Variants in MPHOSPH6 observed in about 807,000 individuals in gnomAD.
MPHOSPH6 encodes the protein M-phase phosphoprotein 6.
Under a neutral mutation model 21.8 loss-of-function variants are expected in MPHOSPH6, and 25 were observed. The ratio of observed to expected loss-of-function variants is 1.15; its 90% CI spans 0.83 to 1.60. MPHOSPH6 has a LOEUF of 1.60. MPHOSPH6 is among the 40% of genes most tolerant of loss of function. The pLI is 0.00. For missense variants in MPHOSPH6, 269 were observed against 181.8 expected (o/e 1.48, Z -2.76); for synonymous variants, 84 against 56.5 (o/e 1.49, Z -2.18).
At chr16:82,169,882 G>T (rs1272219156) in intron 1 of MPHOSPH6, among the ~76,000 whole-genome samples, 1 of 152,188 alleles carries the variant, frequency 6.6e-6, no homozygotes, top group African/African-American at 2.4e-5. Flanking sequence ...GCTGTACCCT[G>T]ACTGCTTCTG....
chr16:82,163,495 C>G (rs1865142829), intron 2 of MPHOSPH6, among the ~76,000 whole-genome samples: 1 of 152,204 alleles, frequency 6.6e-6, no homozygotes, highest in African/African-American at 2.4e-5. Flanking sequence ...GTTACCCTCC[C>G]TTAAGCTCAG....
intron 2 of MPHOSPH6, among the ~76,000 whole-genome samples, chr16:82,153,550 G>T (rs1422205049): frequency 1.3e-5 from 2 of 152,152 alleles, no homozygotes; most frequent in African/African-American, 4.8e-5. Flanking sequence ...AAAAATAAAG[G>T]CACAAACTGA....
intron 2 of MPHOSPH6, among the ~76,000 whole-genome samples, chr16:82,160,323 C>T (rs1906567806): frequency 6.6e-6 from 1 of 152,224 alleles, no homozygotes; most frequent in Admixed American, 6.5e-5. Context: ...TCATAAATTT[C>T]GCAGATGAGA....
intron 2 of MPHOSPH6, among the ~76,000 whole-genome samples, chr16:82,163,446 C>G (rs910889590): frequency 9.2e-5 from 14 of 152,180 alleles, no homozygotes; most frequent in African/African-American, 3.1e-4. Context: ...ACTGTCTACC[C>G]CAGCCTTCAG....
chr16:82,150,616 G>C (rs1462802325), intron 3 of MPHOSPH6, among the ~76,000 whole-genome samples: 1 of 152,170 alleles, frequency 6.6e-6, no homozygotes, highest in Non-Finnish European at 1.5e-5. Flanking sequence ...AAACATTTTT[G>C]GTTGTCACAG....
Position 82,170,183 on chromosome 16 carries a change from T to G in MPHOSPH6, c.-8A>C. On this transcript the variant is annotated 5_prime_UTR_variant, in exon 1 of 5. Coordinates refer to ENST00000258169, the MANE Select transcript of MPHOSPH6 (RefSeq NM_005792.2). ...CTTTCGCTCGGCCGCCATGGTAGCT[T>G]CCGCCCAGCGCCGCACTCCGGCCGC... 1 of 1,581,318 alleles carries G rather than the reference T, an allele frequency of 6.3e-7. No individual in the cohort carries two copies. Among genetic ancestry groups the G allele is most frequent in the Non-Finnish European group, 8.6e-7 (1 of 1,165,098 alleles).
chr16:82,154,198 G>C (rs531115757), intron 2 of MPHOSPH6, among the ~76,000 whole-genome samples: 1 of 152,202 alleles, frequency 6.6e-6, no homozygotes, highest in East Asian at 1.9e-4. Context: ...AAATGTTTGA[G>C]TTCTGCCTAG....
chr16:82,151,536 G>C, intron 2 of MPHOSPH6, 22 bp from the exon 3 acceptor site: 1 of 1,561,328 alleles, frequency 6.4e-7, no homozygotes, highest in Non-Finnish European at 8.6e-7. Flanking sequence ...AATAAAAATA[G>C]CATTTCTCCA....
chr16:82,155,807 G>A (rs992458482), intron 2 of MPHOSPH6, among the ~76,000 whole-genome samples: 21 of 151,894 alleles, frequency 1.4e-4, no homozygotes, highest in African/African-American at 4.8e-4. Context: ...CAGGAGGCTG[G>A]GGCAGGAGAA....
chr16:82,155,837 G>A (rs560407000), intron 2 of MPHOSPH6, among the ~76,000 whole-genome samples: 2 of 152,082 alleles, frequency 1.3e-5, no homozygotes, highest in East Asian at 1.9e-4. Context: ...CCCGGGAGGT[G>A]GAGGTTGCGG....
Position 82,151,529 on chromosome 16 carries a change from A to G in MPHOSPH6, c.165-15T>C. 1 of 1,565,112 alleles carries G rather than the reference A, an allele frequency of 6.4e-7. No homozygotes were observed. Among genetic ancestry groups the G allele is most frequent in the African/African-American group, 1.4e-5 (1 of 72,588 alleles). On this transcript the variant is annotated splice_polypyrimidine_tract_variant and intron_variant, in intron 2 of 4. Transcript: ENST00000258169. ...TTATGAAACTCCTAAATGGGAAAATAAAAATAGCATTTCTCCATATATAAA... is the reference window on the plus strand; with the variant it reads ...TTATGAAACTCCTAAATGGGAAAATGAAAATAGCATTTCTCCATATATAAA...
chr16:82,153,185 G>C (rs571832092), intron 2 of MPHOSPH6, among the ~76,000 whole-genome samples: 1 of 152,292 alleles, frequency 6.6e-6, no homozygotes, highest in South Asian at 2.1e-4. Flanking sequence ...TCTATAGAAA[G>C]AGGGGCCAAA....
intron 2 of MPHOSPH6, chr16:82,162,268 C>T (rs570790589): frequency 1.3e-5 from 2 of 152,374 alleles, no homozygotes; most frequent in Admixed American, 1.3e-4. Context: ...GTCTGCCTGA[C>T]TTCAGAGCCC....
At chr16:82,168,213 A>C (rs1283471177) in intron 1 of MPHOSPH6, among the ~76,000 whole-genome samples, 2 of 152,180 alleles carry the variant, frequency 1.3e-5, no homozygotes, top group African/African-American at 4.8e-5. Context: ...GGCTTATTCC[A>C]AGAGCTAAAA....
chr16:82,148,823 T>C lies in MPHOSPH6; in HGVS notation c.391A>G (p.Arg131Gly). 1 of 1,614,192 alleles carries C rather than the reference T, an allele frequency of 6.2e-7. No individual in the cohort carries two copies. The highest frequency in any genetic ancestry group is 8.5e-7 in the Non-Finnish European group (1 of 1,180,034). ...LVGTIGKKFA[R>G]KRDHANYEED... ...TCATAATTGGCATGGTCTCTCTTTC[T>C]GGCAAACTTTTTCCCAATTGTCCCC... Residue 131 changes from arginine (R) to glycine (G), a missense_variant, in exon 5 of 5, where the codon AGA becomes GGA. Transcript: ENST00000258169.
At chr16:82,152,797 T>C (rs1393425030) in intron 2 of MPHOSPH6, among the ~76,000 whole-genome samples, 1 of 152,190 alleles carries the variant, frequency 6.6e-6, no homozygotes, top group Non-Finnish European at 1.5e-5. Context: ...AGGTGACATA[T>C]CTATCTCCAG....
In MPHOSPH6 at chr16:82,165,599, G is replaced by A. The variant is rs1038786692; in HGVS notation, c.52-1405C>T. Among the ~76,000 whole-genome samples, 7 of 152,112 alleles carry A rather than the reference G, an allele frequency of 4.6e-5. No homozygotes were observed. In the South Asian group the frequency reaches 8.3e-4, roughly 18 times the overall value. On this transcript the variant is annotated intron_variant, in intron 1 of 4. Transcript: ENST00000258169. ...GACGATGGAACCCATATATGACAGTGGTCCCATAAGATTACAATGCTGCAT... is the reference window on the plus strand; with the variant it reads ...GACGATGGAACCCATATATGACAGTAGTCCCATAAGATTACAATGCTGCAT...
At chr16:82,162,712 C>T (rs1906645399) in intron 2 of MPHOSPH6, among the ~76,000 whole-genome samples, 1 of 152,226 alleles carries the variant, frequency 6.6e-6, no homozygotes, top group Non-Finnish European at 1.5e-5. Context: ...TCTCCTCAGT[C>T]TGAGAGTGTC....
chr16:82,159,052 T>TG (rs1301371498), intron 2 of MPHOSPH6, among the ~76,000 whole-genome samples: 1 of 152,222 alleles, frequency 6.6e-6, no homozygotes, highest in East Asian at 1.9e-4. Flanking sequence ...GACTGAGTTT[T>TG]GGAGTTGTAC....
Sources: allele counts gnomAD v4.1 joint callset (sites outside exome capture counted in the v4.1 genomes callset), GRCh38; gene constraint gnomAD v4.1.1; transcripts MANE v1.5; gene names NCBI Gene and HGNC (gene_info 2026-07-23, HGNC 2026-07-21).